BIN3: variants seen among roughly 807,000 people sequenced by gnomAD.
BIN3 encodes bridging integrator 3.
Under a neutral mutation model 38.2 loss-of-function variants are expected in BIN3, and 41 were observed. The observed-to-expected ratio is 1.07, with a 90% CI of 0.84 to 1.39. The LOEUF (loss-of-function observed/expected upper bound fraction) is 1.39, where lower values mean the gene tolerates loss of function less well. Among genes scored for constraint, BIN3 ranks in the 40% most tolerant of loss-of-function variants. The pLI is 0.00. For synonymous variants in BIN3, 145 were observed against 122.6 expected (o/e 1.18, Z -1.21); for missense variants, 361 against 324.3 (o/e 1.11, Z -0.87).
chr8:22,652,940 T>C (rs928144465), intron 1 of BIN3, among the ~76,000 whole-genome samples: 3 of 152,242 alleles, frequency 2.0e-5, no homozygotes, highest in African/African-American at 7.2e-5. Flanking sequence ...TCCTCTGGTA[T>C]GGTTGTTCGA....
intron 4 of BIN3, among the ~76,000 whole-genome samples, chr8:22,633,014 G>A (rs372587529): frequency 5.3e-5 from 8 of 152,210 alleles, no homozygotes; most frequent in African/African-American, 1.9e-4. Flanking sequence ...CAGCCCAGCT[G>A]CATTTTCCCC....
intron 2 of BIN3, among the ~76,000 whole-genome samples, chr8:22,641,619 TAGCAGGATTA>T (rs927156691): frequency 1.5e-4 from 23 of 152,212 alleles, no homozygotes; most frequent in Admixed American, 1.5e-3. Context: ...AGGTATGTTC[TAGCAGGATTA>T]AGCAGGATTA....
chr8:22,636,549 T>C lies in BIN3; in HGVS notation c.136A>G (p.Lys46Glu). Reference protein sequence around the residue: ...EQTRRLQKDMKKSTDADLAMS... With the variant: ...EQTRRLQKDMEKSTDADLAMS... Reference sequence around the variant, plus strand: ...CCCAGGTCTGCGTCGGTGCTCTTCTTCATGTCTTTCTGCAGCCTCCGGGTC... The same window carrying C: ...CCCAGGTCTGCGTCGGTGCTCTTCTCCATGTCTTTCTGCAGCCTCCGGGTC... The change falls in exon 4 of 9, where the codon AAG (lysine) becomes GAG (glutamate). Residue 46 changes from lysine to glutamate, a missense_variant. Transcript: ENST00000276416. 6.4e-7 allele frequency: 1 copy of C among 1,552,914 alleles called. No individual in the cohort carries two copies. The highest frequency in any genetic ancestry group is 8.7e-7 in the Non-Finnish European group (1 of 1,147,764).
At chr8:22,654,634 T>C (rs1465581893) in intron 1 of BIN3, among the ~76,000 whole-genome samples, 1 of 152,248 alleles carries the variant, frequency 6.6e-6, no homozygotes, top group African/African-American at 2.4e-5. Context: ...TTGAAGGTCA[T>C]CCATGTCATA....
At chr8:22,635,724 G>A (rs1802345928) in intron 4 of BIN3, among the ~76,000 whole-genome samples, 2 of 152,192 alleles carry the variant, frequency 1.3e-5, no homozygotes, top group Admixed American at 6.5e-5. Flanking sequence ...CCAGAGCTGC[G>A]CAGGGAGTGC....
intron 1 of BIN3, among the ~76,000 whole-genome samples, chr8:22,646,758 G>T (rs551888979): frequency 4.9e-4 from 74 of 152,320 alleles, no homozygotes; most frequent in African/African-American, 1.7e-3. Context: ...AACAGAAAAG[G>T]TTCACGGGGA....
chr8:22,635,090 G>A (rs1294665231), intron 4 of BIN3, among the ~76,000 whole-genome samples: 2 of 152,078 alleles, frequency 1.3e-5, no homozygotes, highest in Non-Finnish European at 2.9e-5. Context: ...CACCACCTTA[G>A]GGCCTCCGCG....
At chr8:22,637,925 G>A (rs1463744954) in intron 2 of BIN3, among the ~76,000 whole-genome samples, 4 of 152,150 alleles carry the variant, frequency 2.6e-5, no homozygotes, top group African/African-American at 7.2e-5. Flanking sequence ...GCAGGTCACC[G>A]GGAACCAGGT....
chr8:22,644,675 T>G, intron 2 of BIN3, 80 bp downstream of exon 2: 2 of 1,398,956 alleles, frequency 1.4e-6, no homozygotes, highest in Non-Finnish European at 2.0e-6. Context: ...CCAAGATGTG[T>G]TGATTCAAAG....
intron 6 of BIN3, 134 bp from the exon 7 acceptor site, chr8:22,624,497 T>C: frequency 2.5e-6 from 3 of 1,194,584 alleles, no homozygotes; most frequent in Non-Finnish European, 3.5e-6. Flanking sequence ...AGCACTCACT[T>C]GTCCAAAAAT....
intron 2 of BIN3, 43 bp downstream of exon 2, chr8:22,644,712 G>A (rs1354459892): frequency 7.6e-6 from 12 of 1,588,166 alleles, no homozygotes; most frequent in Non-Finnish European, 1.0e-5. Context: ...AAGGCCATGT[G>A]ATACAGAACT....
chr8:22,628,754 G>A (rs2117511407), intron 6 of BIN3, among the ~76,000 whole-genome samples: 1 of 152,316 alleles, frequency 6.6e-6, no homozygotes. Context: ...GACCCCTGTG[G>A]CCCTGGCACA....
At chr8:22,666,782 G>C (rs1455729075) in intron 1 of BIN3, among the ~76,000 whole-genome samples, 1 of 152,162 alleles carries the variant, frequency 6.6e-6, no homozygotes, top group Non-Finnish European at 1.5e-5. Context: ...GGGGACCATG[G>C]GCCATGTGCC....
chr8:22,637,332 G>T (rs987651284), intron 2 of BIN3, among the ~76,000 whole-genome samples: 1 of 152,194 alleles, frequency 6.6e-6, no homozygotes, highest in Non-Finnish European at 1.5e-5. Flanking sequence ...GAGTGCAGAG[G>T]AGAGGGCGGG....
intron 1 of BIN3, among the ~76,000 whole-genome samples, chr8:22,662,513 G>A (rs1188914951): frequency 1.3e-5 from 2 of 152,170 alleles, no homozygotes; most frequent in African/African-American, 4.8e-5. Context: ...TTCTTATAAA[G>A]AACTCAGCCA....
At chr8:22,631,978 G>A (rs573978487) in intron 4 of BIN3, among the ~76,000 whole-genome samples, 13 of 152,350 alleles carry the variant, frequency 8.5e-5, no homozygotes, top group African/African-American at 2.9e-4. Context: ...GTCTGTACCA[G>A]TGTCAGAGTG....
intron 6 of BIN3, 86 bp from the exon 7 acceptor site, chr8:22,624,449 G>A (rs895130706): frequency 4.6e-6 from 7 of 1,530,552 alleles, no homozygotes; most frequent in South Asian, 1.3e-5. Flanking sequence ...GGGTGGCCTG[G>A]CTGGAGATGG....
chr8:22,657,475 C>CAA (rs1428937560), intron 1 of BIN3, among the ~76,000 whole-genome samples: 1 of 152,244 alleles, frequency 6.6e-6, no homozygotes, highest in African/African-American at 2.4e-5. Context: ...GCCTTGAAAG[C>CAA]AAAGCCTGAC....
intron 1 of BIN3, among the ~76,000 whole-genome samples, chr8:22,647,310 AT>A (rs1802744271): frequency 1.3e-5 from 2 of 152,290 alleles, no homozygotes; most frequent in South Asian, 4.1e-4. Flanking sequence ...CTAAACCTTA[AT>A]TTAGTATCAC....
Sources: gnomAD v4.1 joint callset for allele counts (sites outside exome capture counted in the v4.1 genomes callset) on GRCh38, gnomAD v4.1.1 for gene constraint, MANE v1.5 for transcripts, NCBI Gene and HGNC (gene_info 2026-07-23, HGNC 2026-07-21) for gene names.